CSNK2A2IP: variants seen among roughly 807,000 people sequenced by gnomAD.
CSNK2A2IP encodes the protein casein kinase 2 subunit alpha' interacting protein.
At chr3:88,385,925 C>T in the CSNK2A2IP span, among the ~76,000 whole-genome samples, 1 of 152,012 alleles carries the variant, frequency 6.6e-6, no homozygotes, top group African/African-American at 2.4e-5. Flanking sequence ...CAATAGGAAA[C>T]AGGAAGGTGA....
At chr3:88,382,896 G>A in the CSNK2A2IP span, 1 of 152,150 alleles carries the variant, frequency 6.6e-6, no homozygotes, top group Non-Finnish European at 1.5e-5. Context: ...TTATTATTTA[G>A]CTCTGAGCTT....
the CSNK2A2IP span, among the ~76,000 whole-genome samples, chr3:88,355,001 C>A: frequency 6.6e-6 from 1 of 152,066 alleles, no homozygotes; most frequent in South Asian, 2.1e-4. Flanking sequence ...GAACCAAGAA[C>A]CTTGGCTATC....
chr3:88,443,360 A>G, the CSNK2A2IP span, among the ~76,000 whole-genome samples: 1 of 152,198 alleles, frequency 6.6e-6, no homozygotes, highest in South Asian at 2.1e-4. Context: ...TGAGCTTGAT[A>G]TGAAAAAGAA....
At chr3:88,426,900 G>C in the CSNK2A2IP span, among the ~76,000 whole-genome samples, 4 of 149,070 alleles carry the variant, frequency 2.7e-5, no homozygotes, top group Non-Finnish European at 4.5e-5. Flanking sequence ...GGGGGGGGGC[G>C]GTGGGGTGTG....
the CSNK2A2IP span, among the ~76,000 whole-genome samples, chr3:88,370,571 C>CCTTTCTTTCTCTCTCTCTTT: frequency 1.3e-5 from 2 of 148,812 alleles, no homozygotes; most frequent in African/African-American, 4.9e-5. Flanking sequence ...TCCCTTCCTT[C>CCTTTCTTTCTCTCTCTCTTT]CTTTCTTTCT....
At chr3:88,383,097 A>ATT in the CSNK2A2IP span, among the ~76,000 whole-genome samples, 9 of 149,962 alleles carry the variant, frequency 6.0e-5, no homozygotes, top group Non-Finnish European at 8.9e-5. Context: ...CCCTCTACTT[A>ATT]TTTTTTTTTG....
the CSNK2A2IP span, among the ~76,000 whole-genome samples, chr3:88,363,202 A>G: frequency 2.0e-5 from 3 of 152,158 alleles, no homozygotes; most frequent in Admixed American, 6.5e-5. Context: ...TTTTCTTGTT[A>G]TATGTTAAAT....
chr3:88,465,891 A>G, the CSNK2A2IP span: 5 of 1,231,562 alleles, frequency 4.1e-6, no homozygotes, highest in African/African-American at 4.7e-5. Context: ...CTCATCAAAG[A>G]GTCTCAAGTT....
chr3:88,441,731 A>T, the CSNK2A2IP span, among the ~76,000 whole-genome samples: 1 of 152,140 alleles, frequency 6.6e-6, no homozygotes, highest in Non-Finnish European at 1.5e-5. Context: ...TGTGATTTAG[A>T]TGTAAAGTCT....
At chr3:88,425,531 C>T in the CSNK2A2IP span, among the ~76,000 whole-genome samples, 14 of 152,118 alleles carry the variant, frequency 9.2e-5, no homozygotes, top group Non-Finnish European at 1.5e-4. Context: ...ATTCTGTTTT[C>T]TTGTCAATTG....
the CSNK2A2IP span, among the ~76,000 whole-genome samples, chr3:88,346,440 G>A: frequency 1.3e-5 from 2 of 151,982 alleles, no homozygotes; most frequent in Non-Finnish European, 2.9e-5. Flanking sequence ...AGCTTCAAAA[G>A]ACAGGCTGAC....
the CSNK2A2IP span, among the ~76,000 whole-genome samples, chr3:88,383,251 A>G: frequency 6.6e-6 from 1 of 152,328 alleles, no homozygotes; most frequent in African/African-American, 2.4e-5. Flanking sequence ...AATATAAGAG[A>G]TTATGCAGCA....
the CSNK2A2IP span, among the ~76,000 whole-genome samples, chr3:88,376,846 C>G: frequency 6.6e-6 from 1 of 151,748 alleles, no homozygotes; most frequent in African/African-American, 2.4e-5. Context: ...AATGACTTTT[C>G]TGAATTCTTA....
At chr3:88,415,667 C>G in the CSNK2A2IP span, among the ~76,000 whole-genome samples, 1 of 152,010 alleles carries the variant, frequency 6.6e-6, no homozygotes, top group African/African-American at 2.4e-5. Context: ...AGTTTACATA[C>G]ATGATCTCAT....
the CSNK2A2IP span, among the ~76,000 whole-genome samples, chr3:88,442,827 T>C: frequency 6.6e-6 from 1 of 151,998 alleles, no homozygotes; most frequent in Non-Finnish European, 1.5e-5. Context: ...CTGATCATAA[T>C]GAGTTCTTAT....
chr3:88,373,883 T>A, the CSNK2A2IP span, among the ~76,000 whole-genome samples: 62,362 of 151,322 alleles, frequency 0.41, 14,786 homozygotes, highest in South Asian at 0.6. Flanking sequence ...ATTAATAAGA[T>A]GAAATTTTTG....
the CSNK2A2IP span, among the ~76,000 whole-genome samples, chr3:88,455,361 C>T: frequency 5.9e-5 from 9 of 151,902 alleles, no homozygotes; most frequent in South Asian, 6.2e-4. Flanking sequence ...CACATCCTTG[C>T]CAACATTTAT....
At chr3:88,409,938 G>A in the CSNK2A2IP span, among the ~76,000 whole-genome samples, 37 of 151,936 alleles carry the variant, frequency 2.4e-4, no homozygotes, top group Non-Finnish European at 1.5e-5. Context: ...AATGCATCAG[G>A]GTGACATATT....
the CSNK2A2IP span, among the ~76,000 whole-genome samples, chr3:88,426,381 G>T: frequency 6.6e-6 from 1 of 152,278 alleles, no homozygotes; most frequent in Non-Finnish European, 1.5e-5. Flanking sequence ...GCAATCAATA[G>T]CAAGTAGGTG....
Sources: allele counts gnomAD v4.1 joint callset (sites outside exome capture counted in the v4.1 genomes callset), GRCh38; gene constraint gnomAD v4.1.1; transcripts MANE v1.5; gene names NCBI Gene and HGNC (gene_info 2026-07-23, HGNC 2026-07-21).